The following RBM20 variants were observed in gnomAD, a reference collection of about 807,000 sequenced individuals.
RBM20 encodes RNA binding motif protein 20, also known as RNA-binding protein 20.
Under a neutral mutation model 110.1 loss-of-function variants are expected in RBM20, and 51 were observed. The observed-to-expected ratio is 0.46, with a 90% CI of 0.37 to 0.59. RBM20 has a LOEUF of 0.59. Ranked by LOEUF, RBM20 falls within the 20% of genes least tolerant of loss-of-function variation. The probability of loss-of-function intolerance (pLI) is 0.00; values close to 1 mark genes in which losing one functional copy is unlikely to be tolerated. For synonymous variants in RBM20, 589 were observed against 618.2 expected, an observed-to-expected ratio of 0.95 and a Z score of 0.70; for missense variants, 1,512 against 1,574.9, an observed-to-expected ratio of 0.96 and a Z score of 0.68.
chr10:110,765,970 C>T (rs900698404), intron 1 of RBM20, among the ~76,000 whole-genome samples: 1 of 152,214 alleles, frequency 6.6e-6, no homozygotes, highest in South Asian at 2.1e-4. Flanking sequence ...TTTGATATTT[C>T]GAATGAAATG....
intron 13 of RBM20, 187 bp downstream of exon 13, chr10:110,831,369 T>A: frequency 1.8e-6 from 1 of 566,556 alleles, no homozygotes; most frequent in East Asian, 3.0e-5. Flanking sequence ...TGTGTCTGTC[T>A]CCTTCCACTA....
At chr10:110,833,390 GAAAA>G (rs56842641) in intron 13 of RBM20, among the ~76,000 whole-genome samples, 1 of 62,200 alleles carries the variant, frequency 1.6e-5, no homozygotes, top group African/African-American at 6.0e-5. Context: ...CTCTGTCTCA[GAAAA>G]AAAAAAAAAA....
intron 12 of RBM20, among the ~76,000 whole-genome samples, chr10:110,830,360 C>T (rs760609293): frequency 6.6e-6 from 1 of 152,124 alleles, no homozygotes; most frequent in Admixed American, 6.5e-5. Flanking sequence ...AATTCTGGGA[C>T]TTATATTTAA....
At chr10:110,725,436 A>G (rs1843550551) in intron 1 of RBM20, among the ~76,000 whole-genome samples, 1 of 152,188 alleles carries the variant, frequency 6.6e-6, no homozygotes, top group Non-Finnish European at 1.5e-5. Flanking sequence ...TCACATTACT[A>G]TTATTAGGAA....
chr10:110,826,049 G>C (rs756907337), intron 12 of RBM20, among the ~76,000 whole-genome samples: 3 of 152,144 alleles, frequency 2.0e-5, no homozygotes, highest in Non-Finnish European at 4.4e-5. Flanking sequence ...TCCTAGCCAG[G>C]GGGTTGTAGG....
At chr10:110,803,677 A>G (rs1163493690) in intron 7 of RBM20, among the ~76,000 whole-genome samples, 1 of 152,128 alleles carries the variant, frequency 6.6e-6, no homozygotes, top group Non-Finnish European at 1.5e-5. Flanking sequence ...ATGGAATAAC[A>G]GATGTGAAAA....
intron 1 of RBM20, among the ~76,000 whole-genome samples, chr10:110,751,797 A>C (rs1438356409): frequency 6.6e-6 from 1 of 152,218 alleles, no homozygotes; most frequent in African/African-American, 2.4e-5. Flanking sequence ...GAAATTAAAA[A>C]AAACTCTATT....
intron 1 of RBM20, among the ~76,000 whole-genome samples, chr10:110,657,094 G>C (rs1862036860): frequency 6.6e-6 from 1 of 151,400 alleles, no homozygotes; most frequent in African/African-American, 2.4e-5. Flanking sequence ...TCGATTCACT[G>C]CAACCTCTTC....
At position 110,780,903 on chromosome 10, in the gene RBM20, C is replaced by G. The variant is rs1590673849; in HGVS notation, c.294C>G (p.Leu98=). The change falls in exon 2 of 14, where the codon CTC becomes CTG. Residue 98 remains leucine (L), a synonymous_variant. Transcript: ENST00000369519. ...AGCTGGCTCAACTGCAGGCCCAGCTCACCCTCCACCGGCTGAAGCTGGCAC... is the reference window on the plus strand; with the variant it reads ...AGCTGGCTCAACTGCAGGCCCAGCTGACCCTCCACCGGCTGAAGCTGGCAC... ...SLQLAQLQAQ[L]TLHRLKLAQT... The G allele has an allele frequency of 1.3e-6, 2 of 1,551,458 alleles. No homozygotes were observed. The highest frequency in any genetic ancestry group is 2.7e-5 in the African/African-American group (2 of 73,004).
chr10:110,790,398 G>C (rs1393399345), intron 5 of RBM20, among the ~76,000 whole-genome samples: 1 of 152,240 alleles, frequency 6.6e-6, no homozygotes, highest in African/African-American at 2.4e-5. Flanking sequence ...GAGGAGACAG[G>C]AGACCTGGGT....
chr10:110,718,126 A>G (rs1278343885), intron 1 of RBM20, among the ~76,000 whole-genome samples: 1 of 152,186 alleles, frequency 6.6e-6, no homozygotes, highest in Non-Finnish European at 1.5e-5. Flanking sequence ...GTGGGCCTGG[A>G]GTCAGCACCA....
rs1844918076 is a variant in RBM20, at chr10:110,821,883, C to T, written c.3264C>T (p.Pro1088=). The T allele has an allele frequency of 5.2e-6, 8 of 1,551,752 alleles. No individual in the cohort carries two copies. The highest frequency in any genetic ancestry group is 7.0e-6 in the Non-Finnish European group (8 of 1,147,012). Residue 1088 remains proline, a synonymous_variant, in exon 11 of 14, where the codon CCC becomes CCT. Transcript: ENST00000369519. ...EGSPLEEKAS[P]PIETDLQNQA... ...GCCCCCTGGAGGAGAAAGCCAGCCC[C>T]CCCATCGAAACTGACCTCCAAAACC... is the stretch of plus-strand genomic sequence containing the variant.
At chr10:110,694,569 T>A (rs1198368200) in intron 1 of RBM20, among the ~76,000 whole-genome samples, 1 of 152,174 alleles carries the variant, frequency 6.6e-6, no homozygotes, top group Non-Finnish European at 1.5e-5. Flanking sequence ...ACCATTTCAT[T>A]GGAACAGGAG....
At chr10:110,767,344 A>AC (rs1257924854) in intron 1 of RBM20, among the ~76,000 whole-genome samples, 15 of 95,174 alleles carry the variant, frequency 1.6e-4, no homozygotes, top group Non-Finnish European at 1.8e-4. Context: ...TGGGGGGCTG[A>AC]CCCCCCCACC....
intron 1 of RBM20, among the ~76,000 whole-genome samples, chr10:110,694,776 T>C (rs954346562): frequency 3.9e-5 from 6 of 152,184 alleles, no homozygotes; most frequent in African/African-American, 1.2e-4. Context: ...CATACCTTAG[T>C]ATTACATTTT....
chr10:110,738,007 TC>T (rs1350148364), intron 1 of RBM20, among the ~76,000 whole-genome samples: 1 of 152,238 alleles, frequency 6.6e-6, no homozygotes, highest in African/African-American at 2.4e-5. Flanking sequence ...TCATCATTAA[TC>T]ATCATCTATA....
chr10:110,815,947 A>G (rs1045322030), intron 9 of RBM20, among the ~76,000 whole-genome samples: 24 of 152,124 alleles, frequency 1.6e-4, no homozygotes, highest in African/African-American at 5.8e-4. Context: ...GTGTGTTGGA[A>G]TGACTGCAGA....
At chr10:110,707,724 T>G (rs928644871) in intron 1 of RBM20, among the ~76,000 whole-genome samples, 1 of 152,106 alleles carries the variant, frequency 6.6e-6, no homozygotes, top group Non-Finnish European at 1.5e-5. Context: ...ACTGAACTCA[T>G]AGAGAGTAAA....
chr10:110,724,027 C>T (rs1468439694), intron 1 of RBM20, among the ~76,000 whole-genome samples: 1 of 152,154 alleles, frequency 6.6e-6, no homozygotes, highest in Non-Finnish European at 1.5e-5. Context: ...TCTGCAGAAA[C>T]TGAGGCTCAG....
Sources: gnomAD v4.1 joint callset for allele counts (sites outside exome capture counted in the v4.1 genomes callset) on GRCh38, gnomAD v4.1.1 for gene constraint, MANE v1.5 for transcripts, NCBI Gene and HGNC (gene_info 2026-07-23, HGNC 2026-07-21) for gene names.